Variants in CBLB observed in about 807,000 individuals in gnomAD.
CBLB encodes the protein Cbl proto-oncogene B.
CBLB carries 31 observed loss-of-function variants against 104.9 expected under a neutral mutation model. That is an observed-to-expected ratio of 0.30 (90% CI 0.22 to 0.40). CBLB has a LOEUF of 0.40. CBLB is among the 10% of genes least tolerant of loss of function. CBLB has a pLI of 1.00. For missense variants in CBLB, 1,062 were observed against 1,214.6 expected, an observed-to-expected ratio of 0.87 and a Z score of 1.87; for synonymous variants, 440 against 422.6, an observed-to-expected ratio of 1.04 and a Z score of -0.51.
At chr3:105,839,713 T>C (rs745770410) in intron 3 of CBLB, among the ~76,000 whole-genome samples, 1 of 152,262 alleles carries the variant, frequency 6.6e-6, no homozygotes, top group African/African-American at 2.4e-5. Context: ...GGCTCCGCCA[T>C]TGAAAATTTA....
chr3:105,863,285 C>T (rs978551021), intron 2 of CBLB, among the ~76,000 whole-genome samples: 3 of 152,162 alleles, frequency 2.0e-5, no homozygotes, highest in African/African-American at 4.8e-5. Context: ...TTTATCACAA[C>T]ACAAATTCAA....
At chr3:105,707,262 T>A (rs1013454633) in intron 10 of CBLB, among the ~76,000 whole-genome samples, 1 of 152,216 alleles carries the variant, frequency 6.6e-6, no homozygotes, top group African/African-American at 2.4e-5. Flanking sequence ...CAATTCATAC[T>A]GTGTTCTGAA....
intron 9 of CBLB, among the ~76,000 whole-genome samples, chr3:105,730,640 T>C (rs978714181): frequency 2.6e-5 from 4 of 152,044 alleles, no homozygotes; most frequent in African/African-American, 9.7e-5. Context: ...TACAGAAACA[T>C]ATACAAAATG....
At chr3:105,681,993 T>C (rs1481704192) in intron 14 of CBLB, 175 bp from the exon 15 acceptor site, 4 of 593,878 alleles carry the variant, frequency 6.7e-6, no homozygotes, top group African/African-American at 3.7e-5. Flanking sequence ...TTTTAAAATG[T>C]AGAAGTAAAT....
Position 105,727,667 on chromosome 3 carries a change from C to T in CBLB, c.1203+6342G>A, listed in dbSNP as rs536021900. On this transcript the variant is annotated intron_variant, in intron 9 of 18. Transcript: ENST00000394030. The stretch of plus-strand genomic sequence containing the variant: ...CCTAGGTTTTCTTCTAGGGTTTTTA[C>T]GGTTTTATGTCTTACATTTAAGTCT... Among the ~76,000 whole-genome samples, 11 of 152,080 alleles carry T rather than the reference C, an allele frequency of 7.2e-5. No homozygotes were observed. The East Asian group carries it at 7.7e-4, about 11-fold the overall frequency.
At chr3:105,834,609 T>C (rs886400140) in intron 3 of CBLB, among the ~76,000 whole-genome samples, 4 of 152,064 alleles carry the variant, frequency 2.6e-5, no homozygotes, top group Non-Finnish European at 5.9e-5. Context: ...TGAGACAAGA[T>C]TGCGCCACTG....
intron 18 of CBLB, among the ~76,000 whole-genome samples, chr3:105,661,215 A>G (rs936772284): frequency 6.6e-6 from 1 of 152,222 alleles, no homozygotes; most frequent in South Asian, 2.1e-4. Context: ...ATAAGAACAT[A>G]TAATTTCTGG....
chr3:105,803,452 T>C (rs2083136888), intron 3 of CBLB, among the ~76,000 whole-genome samples: 1 of 152,160 alleles, frequency 6.6e-6, no homozygotes, highest in Non-Finnish European at 1.5e-5. Context: ...AGAGTTCATT[T>C]TCATGGAGTG....
In CBLB at chr3:105,746,031, C is replaced by T. The variant is rs759263934; in HGVS notation, c.731G>A (p.Gly244Asp). The change falls in exon 6 of 19, where the codon GGC (glycine) becomes GAC (aspartate). Residue 244 changes from glycine to aspartate, a missense_variant. Gly to Asp is a moderately conservative substitution (Grantham distance 94). Transcript: ENST00000394030. ...GAAATTCCAATTCCGCAAAATAGAG[C>T]CCCAAGGCTAAAAAATAAAAAAATT... ...DIFTRLFQPWGSILRNWNFLA... is the reference protein window; with the variant it reads ...DIFTRLFQPWDSILRNWNFLA... 1.9e-6 allele frequency: 3 copies of T among 1,601,646 alleles called. No homozygotes were observed. The highest frequency in any genetic ancestry group is 2.2e-5 in the East Asian group (1 of 44,782).
intron 3 of CBLB, among the ~76,000 whole-genome samples, chr3:105,812,819 C>T (rs1333462041): frequency 3.3e-5 from 5 of 152,268 alleles, no homozygotes; most frequent in South Asian, 4.1e-4. Flanking sequence ...TAACCTTCTT[C>T]TTGAATGCTG....
Position 105,658,777 on chromosome 3 carries a change from A to G in CBLB, c.*193T>C, listed in dbSNP as rs2063508159. 4.9e-6 allele frequency: 3 copies of G among 606,560 alleles called. No homozygotes were observed. The highest frequency in any genetic ancestry group is 4.5e-5 in the South Asian group (2 of 44,024). The allele number at this position is 606,560 out of a possible 1,614,324, so 37.6% of individuals were successfully genotyped here. ...TGATTTAAAAATATGGCTAGCAAAA[A>G]CAAGGAAGCCACAGCTGTCGACATC... On this transcript the variant is annotated 3_prime_UTR_variant, in exon 19 of 19. Coordinates refer to ENST00000394030, the MANE Select transcript of CBLB (RefSeq NM_170662.5).
intron 5 of CBLB, chr3:105,749,836 T>TA (rs1182039625): frequency 1.9e-5 from 4 of 209,996 alleles, no homozygotes; most frequent in Non-Finnish European, 4.0e-5. Flanking sequence ...AAATATATCT[T>TA]AAAATCTTTG....
chr3:105,856,824 CT>C (rs1464501996), intron 2 of CBLB, among the ~76,000 whole-genome samples: 33 of 152,156 alleles, frequency 2.2e-4, no homozygotes, highest in African/African-American at 7.5e-4. Context: ...TTTTTACCCC[CT>C]TTTTAATACG....
chr3:105,864,422 C>T (rs1057135539), intron 2 of CBLB, among the ~76,000 whole-genome samples: 2 of 152,128 alleles, frequency 1.3e-5, no homozygotes, highest in Admixed American at 6.5e-5. Context: ...TTCATTCTGG[C>T]GCACTTGAAC....
At chr3:105,784,494 T>G (rs918979677) in intron 3 of CBLB, among the ~76,000 whole-genome samples, 3 of 152,204 alleles carry the variant, frequency 2.0e-5, no homozygotes, top group African/African-American at 7.2e-5. Context: ...AACTTGACAT[T>G]GAAACAACAG....
intron 4 of CBLB, among the ~76,000 whole-genome samples, chr3:105,760,635 A>G (rs1267843952): frequency 6.6e-6 from 1 of 152,150 alleles, no homozygotes; most frequent in Admixed American, 6.5e-5. Flanking sequence ...AAAAAAGTCA[A>G]TAATAAAACA....
rs956596539 is a variant in CBLB, at chr3:105,656,118, T to C, written c.*2852A>G. ...TAGAAAAATTTGGTGAGATATATCATACATTAGGGGATAAAACAGATTATG... is the reference window on the plus strand; with the variant it reads ...TAGAAAAATTTGGTGAGATATATCACACATTAGGGGATAAAACAGATTATG... On this transcript the variant is annotated 3_prime_UTR_variant, in exon 19 of 19. Transcript: ENST00000394030. 6 of 221,258 alleles carry C rather than the reference T, an allele frequency of 2.7e-5. No homozygotes were observed. The highest frequency in any genetic ancestry group is 1.1e-4 in the African/African-American group (5 of 44,686). The allele number at this position is 221,258 out of a possible 1,614,324, so 13.7% of individuals were successfully genotyped here.
chr3:105,774,155 G>C (rs1268123217), intron 4 of CBLB, among the ~76,000 whole-genome samples: 2 of 152,180 alleles, frequency 1.3e-5, no homozygotes, highest in African/African-American at 4.8e-5. Context: ...AAGTTTAAAG[G>C]CACTGGTTGG....
chr3:105,756,938 C>A (rs1048437997), intron 4 of CBLB, among the ~76,000 whole-genome samples: 1 of 152,090 alleles, frequency 6.6e-6, no homozygotes, highest in Non-Finnish European at 1.5e-5. Context: ...GCCATCCTGA[C>A]GACAATGAGT....
Sources: gnomAD v4.1 joint callset for allele counts (sites outside exome capture counted in the v4.1 genomes callset) on GRCh38, gnomAD v4.1.1 for gene constraint, MANE v1.5 for transcripts, NCBI Gene and HGNC (gene_info 2026-07-23, HGNC 2026-07-21) for gene names.